Variants in RABGEF1 observed in about 807,000 individuals in gnomAD.
RABGEF1 encodes the protein rab5 GDP/GTP exchange factor.
A neutral mutation model predicts 57.3 loss-of-function variants in RABGEF1; 26 were observed. That is an observed-to-expected ratio of 0.45 (90% CI 0.33 to 0.63). RABGEF1 has a LOEUF of 0.63. Ranked by LOEUF, RABGEF1 falls within the 20% of genes least tolerant of loss-of-function variation. The pLI, the probability that RABGEF1 is intolerant of heterozygous loss-of-function variation, is 0.02. For missense variants in RABGEF1, 464 were observed against 607.6 expected (o/e 0.76, Z 2.48); for synonymous variants, 185 against 210.7 (o/e 0.88, Z 1.06).
At chr7:66,803,087 G>A (rs761838012) in intron 7 of RABGEF1, among the ~76,000 whole-genome samples, 8 of 152,094 alleles carry the variant, frequency 5.3e-5, no homozygotes, top group Non-Finnish European at 1.2e-4. Context: ...AAAATAAATA[G>A]ATCAATGTAA....
At chr7:66,724,941 T>C (rs1796436098) in intron 2 of RABGEF1, among the ~76,000 whole-genome samples, 1 of 152,198 alleles carries the variant, frequency 6.6e-6, no homozygotes, top group Admixed American at 6.5e-5. Context: ...GCTCATCCCA[T>C]ATGTTTTTTA....
rs545060909 is a variant in RABGEF1, at chr7:66,791,082, C to T, written c.514-4429C>T. On this transcript the variant is annotated intron_variant, in intron 4 of 8. Coordinates refer to ENST00000284957, the MANE Select transcript of RABGEF1 (RefSeq NM_014504.3). ...AAAGCAAGGGTTGAAACATTTCTTA[C>T]GCTAAAAATAATTTCATGATGACCT... is the stretch of plus-strand genomic sequence containing the variant. 8.5e-5 allele frequency among the ~76,000 whole-genome samples: 13 copies of T among 152,278 alleles called. No homozygotes were observed. The South Asian group carries it at 1.9e-3, about 22-fold the overall frequency.
At position 66,783,577 on chromosome 7, in the gene RABGEF1, G is replaced by A. The variant is rs897482997; in HGVS notation, c.347-98G>A. The A allele has an allele frequency of 7.4e-6, 8 of 1,086,254 alleles. No homozygotes were observed. The African/African-American group carries it at 9.8e-5, about 13-fold the overall frequency. 67.3% of individuals were successfully genotyped at this position (1,086,254 alleles called of 1,614,324 possible). A position where few individuals can be genotyped will look rare whatever the true frequency, so the allele number is the denominator to read the frequency against. On this transcript the variant is annotated intron_variant, in intron 3 of 8. Transcript: ENST00000284957. Reference sequence around the variant, plus strand: ...ATTTAAATTCAAGTTTAACTTTGATGAAACATAATTTAAATAACCTTAGGT... The same window carrying A: ...ATTTAAATTCAAGTTTAACTTTGATAAAACATAATTTAAATAACCTTAGGT...
intron 1 of RABGEF1, among the ~76,000 whole-genome samples, chr7:66,747,949 A>T (rs1800619134): frequency 6.6e-6 from 1 of 152,332 alleles, no homozygotes; most frequent in South Asian, 2.1e-4. Flanking sequence ...ACTGAGGGAA[A>T]ATTAAGATGG....
intron 1 of RABGEF1, among the ~76,000 whole-genome samples, chr7:66,690,915 C>G (rs1012686583): frequency 1.8e-4 from 25 of 142,532 alleles, no homozygotes; most frequent in Non-Finnish European, 3.1e-4. Context: ...GAAACTCTGT[C>G]TCTACTAAAA....
chr7:66,701,189 C>G (rs1301611462), intron 1 of RABGEF1, among the ~76,000 whole-genome samples: 1 of 152,166 alleles, frequency 6.6e-6, no homozygotes. Context: ...ACCAACAGGG[C>G]AGGATTTCAT....
Position 66,810,301 on chromosome 7 carries a change from G to A in RABGEF1, c.*1017G>A, listed in dbSNP as rs1366289194. Reference sequence around the variant, plus strand: ...ACTATTCATATTAGTGGCCTGAGAGGTGTTTGTTGTGGGGCCACCCTGTGC... The same window carrying A: ...ACTATTCATATTAGTGGCCTGAGAGATGTTTGTTGTGGGGCCACCCTGTGC... On this transcript the variant is annotated 3_prime_UTR_variant, in exon 9 of 9. Coordinates refer to ENST00000284957, the MANE Select transcript of RABGEF1 (RefSeq NM_014504.3). The A allele has an allele frequency of 6.6e-6, 1 of 152,296 alleles. No individual in the cohort carries two copies. Among genetic ancestry groups the A allele is most frequent in the East Asian group, 1.9e-4 (1 of 5,186 alleles). The allele number at this position is 152,296 out of a possible 1,614,324, so 9.4% of individuals were successfully genotyped here.
chr7:66,697,267 A>G (rs1792492107), intron 1 of RABGEF1, among the ~76,000 whole-genome samples: 1 of 152,070 alleles, frequency 6.6e-6, no homozygotes. Flanking sequence ...CTACTTCCCC[A>G]CCTGGAGAAT....
intron 1 of RABGEF1, among the ~76,000 whole-genome samples, chr7:66,687,414 C>A (rs1335030568): frequency 6.6e-6 from 1 of 151,196 alleles, no homozygotes; most frequent in African/African-American, 2.4e-5. Flanking sequence ...GCATGAGCCA[C>A]CGCGCCCAGC....
At chr7:66,742,229 T>G (rs1299341358) in intron 1 of RABGEF1, among the ~76,000 whole-genome samples, 3 of 152,190 alleles carry the variant, frequency 2.0e-5, no homozygotes, top group Non-Finnish European at 2.9e-5. Flanking sequence ...TGTGATTATA[T>G]TGTTAATATT....
chr7:66,699,049 C>T (rs1047819452), intron 1 of RABGEF1, among the ~76,000 whole-genome samples: 6 of 152,234 alleles, frequency 3.9e-5, no homozygotes, highest in Admixed American at 6.5e-5. Flanking sequence ...GAGACAGAGC[C>T]GCATGGAGGA....
At chr7:66,805,930 A>G (rs2129191625) in intron 8 of RABGEF1, among the ~76,000 whole-genome samples, 1 of 147,774 alleles carries the variant, frequency 6.8e-6, no homozygotes, top group South Asian at 2.1e-4. Context: ...TTTTTTTGAG[A>G]GATGGGGTCT....
the RABGEF1 span, among the ~76,000 whole-genome samples, chr7:66,674,996 T>G: frequency 6.6e-6 from 1 of 152,052 alleles, no homozygotes; most frequent in African/African-American, 2.4e-5. Context: ...ATTTTTCCAT[T>G]ACACTTACAT....
In RABGEF1 at chr7:66,776,529, C is replaced by CA. The variant is rs555224173; in HGVS notation, c.346+1142dup. ...GCAACATGGTGAAACCCCGCCTCTA[C>CA]AAAAAATAGAAAAATCATCCAGGCA... On this transcript the variant is annotated intron_variant, in intron 3 of 8. Transcript: ENST00000284957. Among the ~76,000 whole-genome samples the CA allele has an allele frequency of 7.4e-4, 112 of 152,162 alleles. 1 individual carries two copies. The highest frequency in any genetic ancestry group is 2.7e-3 in the African/African-American group (111 of 41,518).
chr7:66,751,445 A>T (rs570023305), intron 1 of RABGEF1, among the ~76,000 whole-genome samples: 1 of 152,188 alleles, frequency 6.6e-6, no homozygotes, highest in Non-Finnish European at 1.5e-5. Flanking sequence ...GTTGGTTTTT[A>T]GTTATCTGAA....
intron 1 of RABGEF1, among the ~76,000 whole-genome samples, chr7:66,700,683 C>G (rs1173046332): frequency 6.6e-6 from 1 of 152,232 alleles, no homozygotes; most frequent in Non-Finnish European, 1.5e-5. Context: ...CCACTCAGCT[C>G]TCTTCACACC....
At chr7:66,713,372 C>T (rs781216440) in intron 2 of RABGEF1, among the ~76,000 whole-genome samples, 12 of 151,894 alleles carry the variant, frequency 7.9e-5, no homozygotes, top group Non-Finnish European at 1.8e-4. Context: ...TCGTGATCGG[C>T]CCGCCTTGGC....
At chr7:66,698,099 G>GC (rs1792625162) in intron 1 of RABGEF1, among the ~76,000 whole-genome samples, 1 of 122,314 alleles carries the variant, frequency 8.2e-6, no homozygotes. Context: ...TCACAGCCAC[G>GC]CACCCCCCCC....
At chr7:66,731,313 A>C (rs952358723) in intron 2 of RABGEF1, among the ~76,000 whole-genome samples, 1 of 152,066 alleles carries the variant, frequency 6.6e-6, no homozygotes, top group Non-Finnish European at 1.5e-5. Context: ...ACCAGAGAAG[A>C]GGAAGAAGGG....
Sources: gnomAD v4.1 joint callset for allele counts (sites outside exome capture counted in the v4.1 genomes callset) on GRCh38, gnomAD v4.1.1 for gene constraint, MANE v1.5 for transcripts, NCBI Gene and HGNC (gene_info 2026-07-23, HGNC 2026-07-21) for gene names.